Variants in SPRYD3 observed in about 807,000 individuals in gnomAD.
SPRYD3 encodes the protein SPRY domain containing 3.
SPRYD3 carries 17 observed loss-of-function variants against 50.1 expected under a neutral mutation model. The observed-to-expected ratio is 0.34, with a 90% CI of 0.23 to 0.51. SPRYD3 has a LOEUF of 0.51. SPRYD3 is among the 20% of genes least tolerant of loss of function. SPRYD3 has a pLI of 0.97. For missense variants in SPRYD3, 401 were observed against 591.2 expected, an observed-to-expected ratio of 0.68 and a Z score of 3.34; for synonymous variants, 198 against 215.5, an observed-to-expected ratio of 0.92 and a Z score of 0.71.
chr12:53,070,971 A>G (rs990619495), intron 6 of SPRYD3, among the ~76,000 whole-genome samples: 1 of 152,196 alleles, frequency 6.6e-6, no homozygotes, highest in Non-Finnish European at 1.5e-5. Context: ...TCAGTGCCAC[A>G]GAGTGGCGGC....
chr12:53,075,101 T>TCATCAGCATGGTAGGCTACAG lies in SPRYD3; in HGVS notation c.344_364dup (p.Asp121_Asp122insAlaValAlaTyrHisAlaAsp). 6.2e-7 allele frequency: 1 copy of TCATCAGCATGGTAGGCTACAG among 1,611,856 alleles called. No homozygotes were observed. Among genetic ancestry groups the TCATCAGCATGGTAGGCTACAG allele is most frequent in the Non-Finnish European group, 8.5e-7 (1 of 1,178,076 alleles). On this transcript the variant is annotated inframe_insertion, in exon 4 of 11. Transcript: ENST00000301463. ...TGCACAGGAGCCAACTCACTTGCCATCATCAGCATGGTAGGCTACAGAGTC... is the reference window on the plus strand; with the variant it reads ...TGCACAGGAGCCAACTCACTTGCCATCATCAGCATGGTAGGCTACAGCATCAGCATGGTAGGCTACAGAGTC...
In SPRYD3 at chr12:53,067,610, C is replaced by A. The variant is rs770767558; in HGVS notation, c.901+38G>T. On this transcript the variant is annotated intron_variant, in intron 8 of 10. Coordinates refer to ENST00000301463, the MANE Select transcript of SPRYD3 (RefSeq NM_032840.3). ...TGGATGTCCCTATGCCTCCACATCT[C>A]CCACCATCCCACCTTTCCCAGGCAG... 3.1e-6 allele frequency: 5 copies of A among 1,603,394 alleles called. No individual in the cohort carries two copies. The South Asian group carries it at 4.4e-5, about 14-fold the overall frequency.
In SPRYD3 at chr12:53,075,326, G is replaced by C. The variant is rs111892380; in HGVS notation, c.247-107C>G. The C allele has an allele frequency of 2.2e-5, 26 of 1,196,760 alleles. No homozygotes were observed. In the African/African-American group the frequency reaches 2.4e-4, roughly 11 times the overall value. The allele number at this position is 1,196,760 out of a possible 1,614,324, so 74.1% of individuals were successfully genotyped here. A position where few individuals can be genotyped will look rare whatever the true frequency, so the allele number is the denominator to read the frequency against. On this transcript the variant is annotated intron_variant, in intron 3 of 10. Transcript: ENST00000301463. The stretch of plus-strand genomic sequence containing the variant: ...ATTAAAGGGCGCTGAGGCTCAAAAA[G>C]AAAAAGGACATGGGAATCAGGAAAA...
Position 53,065,821 on chromosome 12 carries a change from G to T in SPRYD3, c.*11C>A. 6.2e-7 allele frequency: 1 copy of T among 1,610,286 alleles called. No homozygotes were observed. Among genetic ancestry groups the T allele is most frequent in the Non-Finnish European group, 8.5e-7 (1 of 1,178,160 alleles). ...TGAGCAGGGAGAAGGAGCAGGTCTGGAGGGGAGGCCCTAGCCACTCAAGGG... is the reference window on the plus strand; with the variant it reads ...TGAGCAGGGAGAAGGAGCAGGTCTGTAGGGGAGGCCCTAGCCACTCAAGGG... On this transcript the variant is annotated 3_prime_UTR_variant, in exon 11 of 11. Coordinates refer to ENST00000301463, the MANE Select transcript of SPRYD3 (RefSeq NM_032840.3).
intron 6 of SPRYD3, among the ~76,000 whole-genome samples, chr12:53,068,929 G>A (rs536227536): frequency 3.3e-5 from 5 of 152,242 alleles, no homozygotes; most frequent in South Asian, 2.1e-4. Flanking sequence ...GACCCAGAAC[G>A]CCCAGCTCTA....
chr12:53,077,439 T>G (rs1944597622), intron 1 of SPRYD3, among the ~76,000 whole-genome samples, 178 bp from the exon 2 acceptor site: 1 of 152,258 alleles, frequency 6.6e-6, no homozygotes, highest in African/African-American at 2.4e-5. Context: ...CTACTCTGTG[T>G]GCTTTTCTCC....
chr12:53,067,732 T>A (rs1944520265), intron 7 of SPRYD3, 27 bp from the exon 8 acceptor site: 4 of 1,604,040 alleles, frequency 2.5e-6, no homozygotes, highest in Admixed American at 1.7e-5. Flanking sequence ...AAAGAAAATC[T>A]ATGGTCCCAT....
intron 6 of SPRYD3, among the ~76,000 whole-genome samples, chr12:53,068,793 C>T (rs746745006): frequency 2.0e-5 from 3 of 152,138 alleles, no homozygotes; most frequent in Non-Finnish European, 2.9e-5. Flanking sequence ...TCAGGGGAAG[C>T]GGGTGAGTTC....
intron 6 of SPRYD3, among the ~76,000 whole-genome samples, chr12:53,072,054 TC>T (rs1182496712): frequency 6.6e-6 from 1 of 152,064 alleles, no homozygotes; most frequent in Non-Finnish European, 1.5e-5. Flanking sequence ...TGGGGACAGG[TC>T]CAGGCAGAGA....
intron 1 of SPRYD3, 79 bp from the exon 2 acceptor site, chr12:53,077,340 A>G: frequency 6.5e-7 from 1 of 1,531,882 alleles, no homozygotes; most frequent in Non-Finnish European, 8.9e-7. Flanking sequence ...CAGAAGGTAG[A>G]GAAGGCACTG....
At chr12:53,072,360 C>A (rs1452591868) in intron 6 of SPRYD3, among the ~76,000 whole-genome samples, 3 of 152,000 alleles carry the variant, frequency 2.0e-5, no homozygotes, top group African/African-American at 7.3e-5. Flanking sequence ...GGCTCCTAAT[C>A]CGCTCCCACC....
intron 5 of SPRYD3, 47 bp from the exon 6 acceptor site, chr12:53,073,518 T>A: frequency 7.0e-7 from 1 of 1,431,586 alleles, no homozygotes; most frequent in Non-Finnish European, 9.5e-7. Context: ...TGCTTTTCCA[T>A]AGCTCACCTA....
At chr12:53,067,844 TG>T in intron 7 of SPRYD3, 139 bp from the exon 8 acceptor site, 1 of 826,634 alleles carries the variant, frequency 1.2e-6, no homozygotes, top group Non-Finnish European at 2.0e-6. Flanking sequence ...CTGCAGGCAC[TG>T]GGGCTTCAGG....
Position 53,075,223 on chromosome 12 carries a change from G to T in SPRYD3, c.247-4C>A. 3 of 1,597,942 alleles carry T rather than the reference G, an allele frequency of 1.9e-6. No individual in the cohort carries two copies. Among genetic ancestry groups the T allele is most frequent in the Non-Finnish European group, 2.6e-6 (3 of 1,166,430 alleles). ...CTCCACTGTCCACAATAGACACCTG[G>T]AGAGAAGAAAGCAGGGCACAGTCAG... On this transcript the variant is annotated splice_polypyrimidine_tract_variant and splice_region_variant and intron_variant, in intron 3 of 10. Coordinates refer to ENST00000301463, the MANE Select transcript of SPRYD3 (RefSeq NM_032840.3).
At chr12:53,071,258 T>C (rs1389066616) in intron 6 of SPRYD3, among the ~76,000 whole-genome samples, 1 of 152,140 alleles carries the variant, frequency 6.6e-6, no homozygotes. Context: ...CGGGGCCTCA[T>C]TCACCACCCT....
rs375605150 is a variant in SPRYD3, at chr12:53,066,433, C to A, written c.1075G>T (p.Val359Phe). The change falls in exon 10 of 11, where the codon GTC becomes TTC. Residue 359 changes from valine to phenylalanine, a missense_variant. Val to Phe is a conservative substitution (Grantham distance 50). Coordinates refer to ENST00000301463, the MANE Select transcript of SPRYD3 (RefSeq NM_032840.3). ...TACATGACATTCCGCACGTTCCGGA[C>A]GGCCCGGGCAGTCGGAGACAGGATC... ...TVILSPTARA[V>F]RNVRNVMYLH... is the part of the protein sequence containing the mutation. 7 of 1,614,044 alleles carry A rather than the reference C, an allele frequency of 4.3e-6. No individual in the cohort carries two copies. The highest frequency in any genetic ancestry group is 3.3e-5 in the Admixed American group (2 of 60,006).
intron 8 of SPRYD3, 71 bp from the exon 9 acceptor site, chr12:53,066,763 T>C (rs1944511990): frequency 2.0e-6 from 3 of 1,530,576 alleles, no homozygotes; most frequent in African/African-American, 1.4e-5. Flanking sequence ...GAGTGGCTCA[T>C]GAAGCTGAAC....
rs747524061 is a variant in SPRYD3 at position 53,066,345 on chromosome 12, A to C, written c.1163T>G (p.Ile388Arg). ...EEEEEEDGEEIEPEHEGRKVV... is the reference protein window; with the variant it reads ...EEEEEEDGEEREPEHEGRKVV... The stretch of plus-strand genomic sequence containing the variant: ...CTTCCTGCCCTCATGCTCCGGCTCT[A>C]TCTCTTCCCCATCCTCTTCCTCTTC... Residue 388 changes from isoleucine (I) to arginine (R), a missense_variant, in exon 10 of 11, where the codon ATA becomes AGA. Coordinates refer to ENST00000301463, the MANE Select transcript of SPRYD3 (RefSeq NM_032840.3). The C allele has an allele frequency of 1.8e-5, 29 of 1,613,908 alleles. No individual in the cohort carries two copies. The highest frequency in any genetic ancestry group is 3.3e-4 in the Middle Eastern group (2 of 6,052).
intron 1 of SPRYD3, chr12:53,077,955 G>T: frequency 3.5e-6 from 1 of 285,238 alleles, no homozygotes; most frequent in South Asian, 3.0e-5. Context: ...GGGAGGCTGA[G>T]GCAGGAGGAT....
Sources: gnomAD v4.1 joint callset for allele counts (sites outside exome capture counted in the v4.1 genomes callset) on GRCh38, gnomAD v4.1.1 for gene constraint, MANE v1.5 for transcripts, NCBI Gene and HGNC (gene_info 2026-07-23, HGNC 2026-07-21) for gene names.